IP6K3: variants seen among roughly 807,000 people sequenced by gnomAD.
The protein encoded by IP6K3 is ATP:1D-myo-inositol-hexakisphosphate phosphotransferase.
IP6K3 carries 20 observed loss-of-function variants against 28.8 expected under a neutral mutation model. The observed-to-expected ratio is 0.70, with a 90% CI of 0.49 to 1.01. The LOEUF (loss-of-function observed/expected upper bound fraction) is 1.01, where lower values mean the gene tolerates loss of function less well. IP6K3 is among the 50% of genes least tolerant of loss of function. IP6K3 has a pLI of 0.00. For synonymous variants in IP6K3, 213 were observed against 221.3 expected, an observed-to-expected ratio of 0.96 and a Z score of 0.33; for missense variants, 480 against 537.1, an observed-to-expected ratio of 0.89 and a Z score of 1.05.
chr6:33,754,840 G>A, the IP6K3 span, among the ~76,000 whole-genome samples: 1 of 152,216 alleles, frequency 6.6e-6, no homozygotes, highest in Non-Finnish European at 1.5e-5. Context: ...CACATATAAA[G>A]CCCTTATTAT....
At chr6:33,748,607 C>T (rs936217227), upstream of IP6K3, among the ~76,000 whole-genome samples, 7 of 140,138 alleles carry the variant, frequency 5.0e-5, no homozygotes, top group Middle Eastern at 3.5e-3. Flanking sequence ...CATGCCACTG[C>T]GCTCCAGCTG....
At chr6:33,743,203 A>G (rs913624958) in intron 1 of IP6K3, among the ~76,000 whole-genome samples, 2 of 152,222 alleles carry the variant, frequency 1.3e-5, no homozygotes, top group Non-Finnish European at 2.9e-5. Flanking sequence ...TCGGGACCAC[A>G]TCCCGATAAA....
upstream of IP6K3, among the ~76,000 whole-genome samples, chr6:33,748,366 C>A (rs1766968121): frequency 6.6e-6 from 1 of 152,096 alleles, no homozygotes; most frequent in Non-Finnish European, 1.5e-5. Context: ...GTGGACTGAA[C>A]CCATTCTCCT....
chr6:33,734,590 G>A (rs1031750099), intron 2 of IP6K3, among the ~76,000 whole-genome samples: 2 of 152,172 alleles, frequency 1.3e-5, no homozygotes, highest in African/African-American at 4.8e-5. Context: ...AGCCCTTTGA[G>A]CCTCACTTTC....
At chr6:33,728,338 TGA>T in intron 2 of IP6K3, 38 bp from the exon 3 acceptor site, 1 of 1,588,232 alleles carries the variant, frequency 6.3e-7, no homozygotes, top group Non-Finnish European at 8.6e-7. Context: ...AGGAGCCAGT[TGA>T]GAGAGCCTCC....
upstream of IP6K3, among the ~76,000 whole-genome samples, chr6:33,751,712 TG>T (rs1268893476): frequency 6.6e-6 from 1 of 151,994 alleles, no homozygotes; most frequent in Non-Finnish European, 1.5e-5. This position sits in a 1 kb window ranked among gnomAD's most constrained non-coding sequence, Gnocchi z 4.3. Context: ...GGAAACAGAG[TG>T]GCCTAGCCGG....
upstream of IP6K3, among the ~76,000 whole-genome samples, chr6:33,749,981 C>A (rs937834040): frequency 6.6e-6 from 1 of 152,104 alleles, no homozygotes; most frequent in Non-Finnish European, 1.5e-5. Flanking sequence ...TAGGCATGCA[C>A]TTACTATTTG....
chr6:33,753,958 G>A, the IP6K3 span, among the ~76,000 whole-genome samples: 1 of 152,060 alleles, frequency 6.6e-6, no homozygotes, highest in African/African-American at 2.4e-5. Context: ...ACAGGTGCCC[G>A]CTACCATGCC....
intron 1 of IP6K3, among the ~76,000 whole-genome samples, chr6:33,743,305 G>C (rs540950105): frequency 6.8e-4 from 104 of 152,330 alleles, no homozygotes; most frequent in African/African-American, 2.3e-3. Flanking sequence ...TGTGGCAGAC[G>C]GCAAAGCAGC....
rs1765972579 is a variant in IP6K3 at position 33,723,089 on chromosome 6, T to C, written c.864A>G (p.Leu288=). 6.2e-7 allele frequency: 1 copy of C among 1,614,172 alleles called. No individual in the cohort carries two copies. The highest frequency in any genetic ancestry group is 8.5e-7 in the Non-Finnish European group (1 of 1,180,010). ...EGFRQALYQF[L]HNGSHLRREL... is the part of the protein sequence containing the mutation. ...CCCTCCGGAGGTGGCTTCCATTATGTAGGAACTGATAGAGGGCTTGTCTGA... is the reference window on the plus strand; with the variant it reads ...CCCTCCGGAGGTGGCTTCCATTATGCAGGAACTGATAGAGGGCTTGTCTGA... The change falls in exon 6 of 6, where the codon CTA becomes CTG. Residue 288 remains leucine (L), a synonymous_variant. Coordinates refer to ENST00000293756, the MANE Select transcript of IP6K3 (RefSeq NM_054111.5).
At chr6:33,725,918 A>G (rs762107990) in intron 4 of IP6K3, among the ~76,000 whole-genome samples, 5 of 152,240 alleles carry the variant, frequency 3.3e-5, no homozygotes, top group Non-Finnish European at 2.9e-5. Flanking sequence ...CTAGCAGGCC[A>G]TGCCCAATTT....
the IP6K3 span, among the ~76,000 whole-genome samples, chr6:33,755,735 G>C: frequency 6.6e-6 from 1 of 152,236 alleles, no homozygotes; most frequent in African/African-American, 2.4e-5. Context: ...TACTCATTCC[G>C]CACGCATGGC....
intron 4 of IP6K3, among the ~76,000 whole-genome samples, chr6:33,726,351 C>T (rs1387907149): frequency 6.6e-6 from 1 of 152,126 alleles, no homozygotes; most frequent in Non-Finnish European, 1.5e-5. Context: ...GGGCTGGGGG[C>T]CCATCCAGCT....
At position 33,742,760 on chromosome 6, in the gene IP6K3, T is replaced by C. The variant is rs375080135; in HGVS notation, c.-180+3998A>G. On this transcript the variant is annotated intron_variant, in intron 1 of 5. Coordinates refer to ENST00000293756, the MANE Select transcript of IP6K3 (RefSeq NM_054111.5). This position sits in a 1 kb window ranked among gnomAD's most constrained non-coding sequence, Gnocchi z 4.5. ...TCCTAAAAGTATAATGAGTATTGCATAGGGACTGGTAGGGAAAAAACTGTG... is the reference window on the plus strand; with the variant it reads ...TCCTAAAAGTATAATGAGTATTGCACAGGGACTGGTAGGGAAAAAACTGTG... Among the ~76,000 whole-genome samples the C allele has an allele frequency of 6.5e-4, 99 of 152,284 alleles. No homozygotes were observed. Among genetic ancestry groups the C allele is most frequent in the African/African-American group, 2.2e-3 (90 of 41,558 alleles).
chr6:33,753,812 T>C, the IP6K3 span, among the ~76,000 whole-genome samples: 37 of 152,138 alleles, frequency 2.4e-4, no homozygotes, highest in South Asian at 7.1e-3. Flanking sequence ...TTTATTTTAT[T>C]TTATTTTATT....
the IP6K3 span, among the ~76,000 whole-genome samples, chr6:33,761,936 C>T: frequency 6.6e-6 from 1 of 152,152 alleles, no homozygotes; most frequent in South Asian, 2.1e-4. Context: ...CCCTGGCAGC[C>T]TGCTGTGTGG....
chr6:33,726,941 G>A, intron 3 of IP6K3, 35 bp from the exon 4 acceptor site: 1 of 1,538,746 alleles, frequency 6.5e-7, no homozygotes, highest in Non-Finnish European at 8.8e-7. Context: ...GGTCAGAGCA[G>A]AGGTCTGGGG....
At chr6:33,760,937 A>T in the IP6K3 span, among the ~76,000 whole-genome samples, 480 of 151,338 alleles carry the variant, frequency 3.2e-3, 4 homozygotes, top group Non-Finnish European at 5.7e-3. Context: ...CTTCTTCACC[A>T]CGAGACTACG....
intron 2 of IP6K3, among the ~76,000 whole-genome samples, chr6:33,731,314 G>A (rs777026002): frequency 6.6e-6 from 1 of 152,154 alleles, no homozygotes; most frequent in Admixed American, 6.5e-5. Context: ...ATGGTGACAG[G>A]TCTGCCAGAA....
Sources: gnomAD v4.1 joint callset for allele counts (sites outside exome capture counted in the v4.1 genomes callset) on GRCh38, gnomAD v4.1.1 for gene constraint, Gnocchi (gnomAD v3.1) non-coding constraint, MANE v1.5 for transcripts, NCBI Gene and HGNC (gene_info 2026-07-23, HGNC 2026-07-21) for gene names.